The following COL6A6 variants were observed in gnomAD, a reference collection of about 807,000 sequenced individuals.
COL6A6 encodes collagen alpha-6(VI) chain.
In COL6A6, 183 loss-of-function variants were observed where a neutral mutation model predicts 208.6. That is an observed-to-expected ratio of 0.88 (90% CI 0.78 to 0.99). The LOEUF is 0.99. Among genes scored for constraint, COL6A6 ranks in the 50% least tolerant of loss-of-function variants. The pLI, the probability that COL6A6 is intolerant of heterozygous loss-of-function variation, is 0.00. For missense variants in COL6A6, 2,816 were observed against 2,815.2 expected (o/e 1.00, Z -0.01); for synonymous variants, 973 against 1,011.8 (o/e 0.96, Z 0.73).
chr3:130,553,435 T>A (rs1381324947), intron 1 of COL6A6, among the ~76,000 whole-genome samples: 1 of 152,250 alleles, frequency 6.6e-6, no homozygotes, highest in Non-Finnish European at 1.5e-5. Context: ...CATGGTTGAT[T>A]CTGCTGTTAA....
In COL6A6 at chr3:130,573,959, G is replaced by A; in HGVS notation, c.2981G>A (p.Cys994Tyr). ...TTGTTCCTTCTCTTCTTTGTAGATT[G>A]TGAAATTGACAAAGTAGATCTTGTT... is the stretch of plus-strand genomic sequence containing the variant. ...ASVCNSSKVD[C>Y]EIDKVDLVFL... Residue 994 changes from cysteine (C) to tyrosine (Y), a missense_variant, in exon 8 of 37, where the codon TGT becomes TAT. Physicochemically the swap from Cys to Tyr is radical, Grantham distance 194 (BLOSUM62 -2). Coordinates refer to ENST00000358511, the MANE Select transcript of COL6A6 (RefSeq NM_001102608.3). 3 of 1,594,448 alleles carry A rather than the reference G, an allele frequency of 1.9e-6. No individual in the cohort carries two copies. The highest frequency in any genetic ancestry group is 2.6e-6 in the Non-Finnish European group (3 of 1,162,902).
chr3:130,570,041 CA>C (rs1356748066), intron 6 of COL6A6, among the ~76,000 whole-genome samples: 2 of 152,186 alleles, frequency 1.3e-5, no homozygotes, highest in Non-Finnish European at 2.9e-5. Flanking sequence ...GACTAAATAA[CA>C]AACCATCTTA....
chr3:130,609,327 C>CA (rs2064282257), intron 22 of COL6A6, among the ~76,000 whole-genome samples: 2 of 152,128 alleles, frequency 1.3e-5, no homozygotes, highest in Admixed American at 6.5e-5. Context: ...TCTTGGTGCT[C>CA]ATGATGTAGA....
chr3:130,599,351 A>G (rs999808024), intron 19 of COL6A6, among the ~76,000 whole-genome samples: 3 of 152,218 alleles, frequency 2.0e-5, no homozygotes, highest in African/African-American at 7.2e-5. Flanking sequence ...ACAGTAAGGT[A>G]ATAATCTGTT....
intron 33 of COL6A6, among the ~76,000 whole-genome samples, chr3:130,651,223 T>C (rs1375960898): frequency 6.6e-6 from 1 of 151,988 alleles, no homozygotes. Context: ...GTCCAGAGAT[T>C]GAGACTATCC....
At chr3:130,592,322 T>A (rs1355050) in intron 13 of COL6A6, among the ~76,000 whole-genome samples, 150,477 of 152,284 alleles carry the variant, frequency 0.99, 74,360 homozygotes, top group African/African-American at 1. Context: ...GAGAGAGAAG[T>A]CTCACACAGG....
At chr3:130,625,493 C>G (rs755141135) in intron 24 of COL6A6, among the ~76,000 whole-genome samples, 4 of 152,018 alleles carry the variant, frequency 2.6e-5, no homozygotes, top group Non-Finnish European at 5.9e-5. Context: ...TTGTATATAC[C>G]CTTAATATGA....
chr3:130,661,529 C>G (rs1267088921), intron 34 of COL6A6, 108 bp from the exon 35 acceptor site: 6 of 832,626 alleles, frequency 7.2e-6, no homozygotes, highest in Non-Finnish European at 1.1e-5. Context: ...TATTTAGTCA[C>G]TATTTTAACA....
intron 11 of COL6A6, among the ~76,000 whole-genome samples, chr3:130,587,848 C>G (rs2063576961): frequency 6.6e-6 from 1 of 152,078 alleles, no homozygotes; most frequent in Non-Finnish European, 1.5e-5. Flanking sequence ...CATGGGAAGA[C>G]AGTGTTTTTA....
chr3:130,666,139 G>GTAC (rs2066069087), intron 36 of COL6A6, among the ~76,000 whole-genome samples: 1 of 152,160 alleles, frequency 6.6e-6, no homozygotes, highest in South Asian at 2.1e-4. Flanking sequence ...GGGACATGGG[G>GTAC]TACTGTTCTA....
Position 130,649,234 on chromosome 3 carries a change from T to G in COL6A6, c.5405T>G (p.Ile1802Ser). 6.3e-7 allele frequency: 1 copy of G among 1,592,934 alleles called. No individual in the cohort carries two copies. Among genetic ancestry groups the G allele is most frequent in the African/African-American group, 1.3e-5 (1 of 74,526 alleles). Residue 1802 changes from isoleucine to serine, a missense_variant, in exon 33 of 37, where the codon ATC becomes AGC. Transcript: ENST00000358511. ...NSCPVGAHIA[I>S]LSYNSHARHL... ...TGCCCCGTGGGAGCGCACATCGCCA[T>G]CCTCTCCTATAACTCCCACGCCAGG... is the stretch of plus-strand genomic sequence containing the variant.
intron 31 of COL6A6, among the ~76,000 whole-genome samples, chr3:130,644,195 T>TG (rs1320405464): frequency 4.6e-5 from 7 of 152,362 alleles, no homozygotes; most frequent in Admixed American, 3.9e-4. Flanking sequence ...GAGTATGTGA[T>TG]TGTGCGAACA....
chr3:130,601,804 G>C (rs1176411584), intron 20 of COL6A6, among the ~76,000 whole-genome samples: 1 of 152,208 alleles, frequency 6.6e-6, no homozygotes, highest in African/African-American at 2.4e-5. Context: ...TGGCGAAACA[G>C]AGAATAACCA....
chr3:130,656,474 T>C (rs2108437797), intron 33 of COL6A6, among the ~76,000 whole-genome samples: 1 of 152,252 alleles, frequency 6.6e-6, no homozygotes, highest in South Asian at 2.1e-4. Context: ...GGTGGCCTCC[T>C]TGAGTCTGTC....
At chr3:130,624,592 T>C (rs2064830772) in intron 24 of COL6A6, among the ~76,000 whole-genome samples, 1 of 152,192 alleles carries the variant, frequency 6.6e-6, no homozygotes, top group Non-Finnish European at 1.5e-5. Context: ...GTGGTGTCAC[T>C]GGTAAAAATC....
chr3:130,674,191 G>C (rs932719740), intron 36 of COL6A6, among the ~76,000 whole-genome samples: 1 of 152,040 alleles, frequency 6.6e-6, no homozygotes, highest in Admixed American at 6.5e-5. Context: ...CTCCTTTTTT[G>C]TACTGGCCAA....
intron 1 of COL6A6, among the ~76,000 whole-genome samples, chr3:130,522,454 C>T (rs1322757790): frequency 6.6e-6 from 1 of 152,180 alleles, no homozygotes; most frequent in Non-Finnish European, 1.5e-5. Flanking sequence ...CAAACACATG[C>T]TCAGTGAAGA....
intron 1 of COL6A6, among the ~76,000 whole-genome samples, chr3:130,559,325 A>T (rs2062830833): frequency 6.6e-6 from 1 of 152,200 alleles, no homozygotes; most frequent in South Asian, 2.1e-4. Flanking sequence ...ATTTATATAC[A>T]GACTGAAAAC....
intron 24 of COL6A6, among the ~76,000 whole-genome samples, chr3:130,624,117 C>G (rs2064816905): frequency 3.3e-5 from 5 of 151,944 alleles, no homozygotes; most frequent in Admixed American, 3.3e-4. Flanking sequence ...AAACCTAGGC[C>G]TTTAAGGGGA....
Sources: gnomAD v4.1 joint callset for allele counts (sites outside exome capture counted in the v4.1 genomes callset) on GRCh38, gnomAD v4.1.1 for gene constraint, MANE v1.5 for transcripts, NCBI Gene and HGNC (gene_info 2026-07-23, HGNC 2026-07-21) for gene names.